The following ITPR2 variants were observed in gnomAD, a reference collection of about 807,000 sequenced individuals.
ITPR2 encodes the protein inositol 1,4,5-trisphosphate-gated calcium channel ITPR2.
Under a neutral mutation model 317.1 loss-of-function variants are expected in ITPR2, and 207 were observed. That is an observed-to-expected ratio of 0.65 (90% CI 0.58 to 0.73). The LOEUF (loss-of-function observed/expected upper bound fraction) is 0.73. Ranked by LOEUF, ITPR2 falls within the 30% of genes least tolerant of loss-of-function variation. The pLI is 0.00. For missense variants in ITPR2, 2,613 were observed against 3,284.0 expected (o/e 0.80, Z 4.99); for synonymous variants, 1,156 against 1,149.1 (o/e 1.01, Z -0.12).
intron 21 of ITPR2, among the ~76,000 whole-genome samples, chr12:26,652,704 T>C (rs905443683): frequency 6.6e-6 from 1 of 152,154 alleles, no homozygotes; most frequent in African/African-American, 2.4e-5. Context: ...GGTGGCCCCC[T>C]TTGCCTTAAT....
At chr12:26,574,653 A>C (rs1326589064) in intron 34 of ITPR2, among the ~76,000 whole-genome samples, 1 of 152,160 alleles carries the variant, frequency 6.6e-6, no homozygotes, top group Non-Finnish European at 1.5e-5. Flanking sequence ...GATAATTGAT[A>C]AAGAAAAGAG....
intron 37 of ITPR2, among the ~76,000 whole-genome samples, chr12:26,504,856 A>T (rs1462015957): frequency 1.3e-5 from 2 of 152,256 alleles, no homozygotes; most frequent in Non-Finnish European, 2.9e-5. Flanking sequence ...ATTATAGAAT[A>T]TTCCCAAACT....
chr12:26,720,488 C>T (rs939392690), intron 5 of ITPR2, among the ~76,000 whole-genome samples: 2 of 152,064 alleles, frequency 1.3e-5, no homozygotes, highest in African/African-American at 4.8e-5. Context: ...AAATACGCTA[C>T]CTATTTTAGG....
intron 45 of ITPR2, among the ~76,000 whole-genome samples, chr12:26,467,976 C>G (rs1942209014): frequency 6.6e-6 from 1 of 152,026 alleles, no homozygotes; most frequent in African/African-American, 2.4e-5. Context: ...TCCTGGGTGC[C>G]CAGATTTTGT....
At chr12:26,771,124 A>T (rs1949833431) in intron 2 of ITPR2, among the ~76,000 whole-genome samples, 1 of 152,178 alleles carries the variant, frequency 6.6e-6, no homozygotes. Context: ...ATTTGCATAG[A>T]CCATTTTTCC....
chr12:26,725,098 G>T lies in ITPR2; in HGVS notation c.280-356C>A, dbSNP rs1279469897. Among the ~76,000 whole-genome samples the T allele has an allele frequency of 2.0e-5, 3 of 152,132 alleles. No individual in the cohort carries two copies. In the East Asian group the frequency reaches 5.8e-4, roughly 29 times the overall value. Reference sequence around the variant, plus strand: ...GGCCACTTTTATGTTGGACATTTCAGAAAAGTACTAGGCTCTTTGTTCTTT... The same window carrying T: ...GGCCACTTTTATGTTGGACATTTCATAAAAGTACTAGGCTCTTTGTTCTTT... On this transcript the variant is annotated intron_variant, in intron 3 of 56. Transcript: ENST00000381340.
intron 2 of ITPR2, among the ~76,000 whole-genome samples, chr12:26,734,895 T>G (rs572243798): frequency 6.6e-6 from 1 of 152,244 alleles, no homozygotes; most frequent in South Asian, 2.1e-4. Context: ...TTCTTTTGAT[T>G]ATTATTACTA....
At chr12:26,468,701 C>A (rs1942231260) in intron 45 of ITPR2, among the ~76,000 whole-genome samples, 1 of 151,888 alleles carries the variant, frequency 6.6e-6, no homozygotes, top group Non-Finnish European at 1.5e-5. Context: ...AATTATAATA[C>A]TTAAACTATA....
chr12:26,816,384 A>G (rs1446001029), intron 1 of ITPR2, among the ~76,000 whole-genome samples: 1 of 152,202 alleles, frequency 6.6e-6, no homozygotes, highest in Non-Finnish European at 1.5e-5. Flanking sequence ...ACAGATAAGG[A>G]AACTGAGGTG....
chr12:26,752,960 C>T (rs888815769), intron 2 of ITPR2, among the ~76,000 whole-genome samples: 7 of 152,148 alleles, frequency 4.6e-5, no homozygotes, highest in African/African-American at 1.7e-4. Context: ...GGTCCAGTAA[C>T]ATCTTTCTGG....
rs61649785 is a variant in ITPR2, at chr12:26,391,560, T to C, written c.7697-3966A>G. Among the ~76,000 whole-genome samples, 462 of 70,484 alleles carry C rather than the reference T, an allele frequency of 6.6e-3. 25 individuals carry two copies. Among genetic ancestry groups the C allele is most frequent in the African/African-American group, 0.013 (320 of 24,240 alleles). The allele number at this position is 70,484 out of a possible 152,430, so 46.2% of individuals were successfully genotyped here. On this transcript the variant is annotated intron_variant, in intron 54 of 56. Coordinates refer to ENST00000381340, the MANE Select transcript of ITPR2 (RefSeq NM_002223.4). ...CTTCTTCTTCTTCTTCTTTTCCTTT[T>C]TTTTTTTTTTTTTTTTTTTTTTTTG... is the stretch of plus-strand genomic sequence containing the variant.
chr12:26,624,368 A>T lies in ITPR2; in HGVS notation c.3065-12T>A. ...ATCAGGAACAATAGCTGCAAAGATA[A>T]ATGGTAAAATCTCTTCTTTATCCTA... On this transcript the variant is annotated splice_polypyrimidine_tract_variant and intron_variant, in intron 23 of 56. Coordinates refer to ENST00000381340, the MANE Select transcript of ITPR2 (RefSeq NM_002223.4). 1 of 1,592,924 alleles carries T rather than the reference A, an allele frequency of 6.3e-7. No individual in the cohort carries two copies. The highest frequency in any genetic ancestry group is 8.6e-7 in the Non-Finnish European group (1 of 1,164,832).
At chr12:26,665,504 G>A (rs942057110) in intron 14 of ITPR2, among the ~76,000 whole-genome samples, 1 of 152,194 alleles carries the variant, frequency 6.6e-6, no homozygotes, top group Non-Finnish European at 1.5e-5. Context: ...TTACTTCTAA[G>A]ATTACGTTCT....
rs1946518384 is a variant in ITPR2 at position 26,622,348 on chromosome 12, G to A, written c.3180C>T (p.Val1060=). ...DDEGGRTFLR[V]LIHLIMHDYP... is the part of the protein sequence containing the mutation. ...AGTCGTGCATGATCAGATGAATGAG[G>A]ACCCGTAAAAACGTCCTGCCTCCTT... Residue 1060 remains valine, a synonymous_variant, in exon 25 of 57, where the codon GTC becomes GTT. Coordinates refer to ENST00000381340, the MANE Select transcript of ITPR2 (RefSeq NM_002223.4). The A allele has an allele frequency of 6.2e-7, 1 of 1,613,306 alleles. No homozygotes were observed. The highest frequency in any genetic ancestry group is 1.7e-5 in the Admixed American group (1 of 59,894).
At chr12:26,412,799 G>A (rs974825809) in intron 51 of ITPR2, among the ~76,000 whole-genome samples, 5 of 152,104 alleles carry the variant, frequency 3.3e-5, no homozygotes, top group Non-Finnish European at 5.9e-5. Context: ...GACAAAAGGC[G>A]CAGAGGCCAA....
intron 52 of ITPR2, among the ~76,000 whole-genome samples, chr12:26,406,978 C>T (rs897712391): frequency 3.3e-5 from 5 of 152,242 alleles, no homozygotes; most frequent in African/African-American, 1.2e-4. Flanking sequence ...CTATTGCCAC[C>T]ATCTCTGGCT....
chr12:26,343,011 C>T (rs1293368826), intron 55 of ITPR2, among the ~76,000 whole-genome samples: 1 of 152,064 alleles, frequency 6.6e-6, no homozygotes, highest in Non-Finnish European at 1.5e-5. Flanking sequence ...TGTCTTTTTG[C>T]ACATGCCCAC....
intron 38 of ITPR2, 58 bp from the exon 39 acceptor site, chr12:26,494,398 G>A (rs1942885438): frequency 6.5e-6 from 7 of 1,074,870 alleles, no homozygotes; most frequent in Non-Finnish European, 7.7e-6. Flanking sequence ...TAATATGTAA[G>A]GTTTTCAAAT....
chr12:26,742,316 T>C (rs928746577), intron 2 of ITPR2, among the ~76,000 whole-genome samples: 13 of 152,154 alleles, frequency 8.5e-5, no homozygotes, highest in African/African-American at 3.1e-4. Flanking sequence ...ATAACATTAA[T>C]GAATTACATA....
Sources: gnomAD v4.1 joint callset for allele counts (sites outside exome capture counted in the v4.1 genomes callset) on GRCh38, gnomAD v4.1.1 for gene constraint, MANE v1.5 for transcripts, NCBI Gene and HGNC (gene_info 2026-07-23, HGNC 2026-07-21) for gene names.